ATP6V1D: variants seen among roughly 807,000 people sequenced by gnomAD.
ATP6V1D encodes the protein ATPase H+ transporting V1 subunit D.
A neutral mutation model predicts 39.4 loss-of-function variants in ATP6V1D; 20 were observed. That is an observed-to-expected ratio of 0.51 (90% CI 0.36 to 0.74). The LOEUF is 0.74. ATP6V1D is among the 30% of genes least tolerant of loss of function. ATP6V1D has a pLI of 0.00. For missense variants in ATP6V1D, 228 were observed against 291.6 expected (o/e 0.78, Z 1.59); for synonymous variants, 100 against 100.5 (o/e 0.99, Z 0.03).
intron 2 of ATP6V1D, 45 bp downstream of exon 2, chr14:67,352,877 TG>T (rs1566602364): frequency 2.2e-6 from 3 of 1,352,286 alleles, no homozygotes; most frequent in South Asian, 2.7e-5. Flanking sequence ...AGGGCCATGC[TG>T]GATTTTTCTA....
chr14:67,338,807 T>C, intron 8 of ATP6V1D, 45 bp from the exon 9 acceptor site: 1 of 1,532,530 alleles, frequency 6.5e-7, no homozygotes, highest in Admixed American at 1.9e-5. Flanking sequence ...ACTGTTTCAA[T>C]ATTAAGTAGA....
rs2085645182 is a variant in ATP6V1D at position 67,349,964 on chromosome 14, T to A, written c.239+647A>T. Among the ~76,000 whole-genome samples the A allele has an allele frequency of 4.6e-5, 7 of 152,370 alleles. No homozygotes were observed. In the South Asian group the frequency reaches 1.4e-3, roughly 32 times the overall value. Reference sequence around the variant, plus strand: ...AATCAGAAACCTTGAAAACAACTTCTGCCTCTGCCCCTAATTAGCCAAGTG... The same window carrying A: ...AATCAGAAACCTTGAAAACAACTTCAGCCTCTGCCCCTAATTAGCCAAGTG... On this transcript the variant is annotated intron_variant, in intron 3 of 8. Transcript: ENST00000216442.
At chr14:67,356,434 C>CAAAAAAAAAAAAAAA (rs11323157) in intron 1 of ATP6V1D, among the ~76,000 whole-genome samples, 1 of 129,744 alleles carries the variant, frequency 7.7e-6, no homozygotes, top group Non-Finnish European at 1.8e-5. Context: ...AAAACAAAAA[C>CAAAAAAAAAAAAAAA]AAAAAAAAAA....
chr14:67,339,317 A>T (rs1352381822), intron 8 of ATP6V1D, among the ~76,000 whole-genome samples: 1 of 152,098 alleles, frequency 6.6e-6, no homozygotes, highest in African/African-American at 2.4e-5. Context: ...TATTAGGTTA[A>T]ATTTTGAAAT....
chr14:67,341,668 C>A (rs2085585107), intron 7 of ATP6V1D, among the ~76,000 whole-genome samples: 1 of 152,238 alleles, frequency 6.6e-6, no homozygotes, highest in African/African-American at 2.4e-5. Context: ...CCGGCCACCA[C>A]CCCGTCTGGG....
intron 1 of ATP6V1D, among the ~76,000 whole-genome samples, chr14:67,358,946 T>C (rs565282493): frequency 6.6e-6 from 1 of 152,294 alleles, no homozygotes; most frequent in South Asian, 2.1e-4. Flanking sequence ...AAGACACTCT[T>C]TCATCCTGGA....
In ATP6V1D at chr14:67,359,744, G is replaced by A. The variant is rs750549587; in HGVS notation, c.-46C>T. 6.2e-7 allele frequency: 1 copy of A among 1,610,252 alleles called. No individual in the cohort carries two copies. The highest frequency in any genetic ancestry group is 1.7e-5 in the Admixed American group (1 of 60,006). ...TCGGGTCCCCGGCCGGGCAACCGAG[G>A]CTGCAATAGCTCCAGAACTGGCCTC... On this transcript the variant is annotated 5_prime_UTR_variant, in exon 1 of 9. Transcript: ENST00000216442.
At chr14:67,340,774 C>A (rs557311756) in intron 7 of ATP6V1D, among the ~76,000 whole-genome samples, 82 of 152,268 alleles carry the variant, frequency 5.4e-4, no homozygotes, top group African/African-American at 1.9e-3. Flanking sequence ...AACCTCCCTG[C>A]CTGATTCTCC....
chr14:67,340,927 C>T (rs929451539), intron 7 of ATP6V1D, among the ~76,000 whole-genome samples: 11 of 152,366 alleles, frequency 7.2e-5, no homozygotes, highest in African/African-American at 2.4e-4. Flanking sequence ...CCGCCAGCCT[C>T]GGCCTCCCGA....
intron 4 of ATP6V1D, among the ~76,000 whole-genome samples, chr14:67,348,297 C>T (rs6573767): frequency 0.058 from 8,754 of 151,726 alleles, 519 homozygotes; most frequent in African/African-American, 0.15. Flanking sequence ...CTCGAACTCC[C>T]GACCTCAGGC....
At chr14:67,346,164 G>T (rs1450658997) in intron 5 of ATP6V1D, among the ~76,000 whole-genome samples, 1 of 152,160 alleles carries the variant, frequency 6.6e-6, no homozygotes, top group East Asian at 1.9e-4. Context: ...CATACTGCCT[G>T]ATGCCCAGAG....
intron 1 of ATP6V1D, among the ~76,000 whole-genome samples, chr14:67,355,347 A>G (rs1441348374): frequency 6.6e-6 from 1 of 150,656 alleles, no homozygotes; most frequent in Non-Finnish European, 1.5e-5. Flanking sequence ...ACCAAAGTCA[A>G]GCAGAAACTG....
Position 67,345,480 on chromosome 14 carries a change from A to G in ATP6V1D, c.456+288T>C, listed in dbSNP as rs549761406. ...TGAGGCAGAAGAATCACTTGAACCC[A>G]GGAGGCAGAGGTTGCAGTGAGCCGA... On this transcript the variant is annotated intron_variant, in intron 6 of 8. Transcript: ENST00000216442. 4.6e-5 allele frequency among the ~76,000 whole-genome samples: 7 copies of G among 152,156 alleles called. No homozygotes were observed. In the South Asian group the frequency reaches 1.0e-3, roughly 23 times the overall value.
chr14:67,352,823 G>T, intron 2 of ATP6V1D, 100 bp downstream of exon 2: 5 of 758,916 alleles, frequency 6.6e-6, no homozygotes, highest in Non-Finnish European at 1.0e-5. Flanking sequence ...ACTTTTGAAA[G>T]AAAAAAATTA....
At chr14:67,339,614 C>T (rs115291275) in intron 8 of ATP6V1D, among the ~76,000 whole-genome samples, 228 of 152,274 alleles carry the variant, frequency 1.5e-3, no homozygotes, top group African/African-American at 5.2e-3. Context: ...CATGGACATG[C>T]ATAATTTCTC....
At chr14:67,338,799 T>A (rs1467840955) in intron 8 of ATP6V1D, 37 bp from the exon 9 acceptor site, 2 of 1,562,896 alleles carry the variant, frequency 1.3e-6, no homozygotes, top group Non-Finnish European at 1.7e-6. Context: ...TTTTAAACAC[T>A]GTTTCAATAT....
At chr14:67,359,590 G>A (rs528150254) in intron 1 of ATP6V1D, 68 bp downstream of exon 1, 1 of 1,564,614 alleles carries the variant, frequency 6.4e-7, no homozygotes, top group East Asian at 2.3e-5. Flanking sequence ...CTGTGGCCCA[G>A]GGTCTGAAGG....
In ATP6V1D at chr14:67,359,064, C is replaced by G. The variant is rs563226519; in HGVS notation, c.41+594G>C. On this transcript the variant is annotated intron_variant, in intron 1 of 8. Transcript: ENST00000216442. Reference sequence around the variant, plus strand: ...TGAACAAGGTGCAGCGGTGAGAGAGCAAAAGCAGTGCCTCAGAAACACAGG... The same window carrying G: ...TGAACAAGGTGCAGCGGTGAGAGAGGAAAAGCAGTGCCTCAGAAACACAGG... Among the ~76,000 whole-genome samples the G allele has an allele frequency of 1.2e-3, 188 of 152,282 alleles. 10 individuals carry two copies. The South Asian group carries it at 0.038, about 31-fold the overall frequency.
At position 67,356,202 on chromosome 14, in the gene ATP6V1D, T is replaced by G. The variant is rs139176962; in HGVS notation, c.42-3162A>C. Among the ~76,000 whole-genome samples the G allele has an allele frequency of 4.3e-3, 655 of 152,106 alleles. 6 individuals are homozygous for G. Among genetic ancestry groups the G allele is most frequent in the African/African-American group, 0.015 (627 of 41,484 alleles). On this transcript the variant is annotated intron_variant, in intron 1 of 8. Coordinates refer to ENST00000216442, the MANE Select transcript of ATP6V1D (RefSeq NM_015994.4). The stretch of plus-strand genomic sequence containing the variant: ...TGGGAGGCCGAGGCAGGTGGATAAC[T>G]TGAGGTCAGGAGTTCGAGACCACCC...
Sources: allele counts gnomAD v4.1 joint callset (sites outside exome capture counted in the v4.1 genomes callset), GRCh38; gene constraint gnomAD v4.1.1; transcripts MANE v1.5; gene names NCBI Gene and HGNC (gene_info 2026-07-23, HGNC 2026-07-21).